Variants in GPR107 observed in about 807,000 individuals in gnomAD.
GPR107 encodes the protein protein GPR107.
A neutral mutation model predicts 75.5 loss-of-function variants in GPR107; 31 were observed. The ratio of observed to expected loss-of-function variants is 0.41; its 90% CI spans 0.31 to 0.55. GPR107 has a LOEUF of 0.55. GPR107 is among the 20% of genes least tolerant of loss of function. GPR107 has a pLI of 0.26. For synonymous variants in GPR107, 267 were observed against 251.3 expected, an observed-to-expected ratio of 1.06 and a Z score of -0.59; for missense variants, 572 against 665.7, an observed-to-expected ratio of 0.86 and a Z score of 1.55.
rs139401188 is a variant in GPR107 at position 130,104,500 on chromosome 9, A to G, written c.1212A>G (p.Leu404=). ...TTEYGLWKDS[L]FLVDLLCCGA... is the part of the protein sequence containing the mutation. ...AATATGGCTTGTGGAAGGACTCTCT[A>G]TTTCTGGTCGACCTGTTGTGTTGTG... The change falls in exon 13 of 18, where the codon CTA becomes CTG. Residue 404 remains leucine, a synonymous_variant. Coordinates refer to ENST00000347136, the MANE Select transcript of GPR107 (RefSeq NM_020960.5). The G allele has an allele frequency of 1.3e-5, 21 of 1,613,544 alleles. No individual in the cohort carries two copies. Among genetic ancestry groups the G allele is most frequent in the South Asian group, 3.3e-5 (3 of 91,048 alleles).
intron 9 of GPR107, among the ~76,000 whole-genome samples, chr9:130,095,892 G>A (rs1830856234): frequency 6.6e-6 from 1 of 152,178 alleles, no homozygotes; most frequent in African/African-American, 2.4e-5. Flanking sequence ...AGGCCGCCAG[G>A]CGCATTTCAC....
chr9:130,114,272 G>A (rs1480597088), intron 14 of GPR107, among the ~76,000 whole-genome samples: 1 of 151,982 alleles, frequency 6.6e-6, no homozygotes, highest in Non-Finnish European at 1.5e-5. Flanking sequence ...GAGAAGCTGA[G>A]GTAGAAGGAT....
Position 130,100,677 on chromosome 9 carries a change from G to T in GPR107, c.988G>T (p.Ala330Ser). ...CCAGGGCTTCCCTATCGAAGGCTGG[G>T]CTGTTGTGTACTACATAACTCACCT... ...SSQGFPIEGW[A>S]VVYYITHLLK... is the part of the protein sequence containing the mutation. Residue 330 changes from alanine to serine, a missense_variant, in exon 11 of 18, where the codon GCT becomes TCT. Transcript: ENST00000347136. The T allele has an allele frequency of 6.2e-7, 1 of 1,612,816 alleles. No individual in the cohort carries two copies.
chr9:130,060,632 T>C (rs1158463650), intron 1 of GPR107, among the ~76,000 whole-genome samples: 1 of 152,114 alleles, frequency 6.6e-6, no homozygotes, highest in Non-Finnish European at 1.5e-5. Flanking sequence ...TTTTATATTG[T>C]GTTAAAAACA....
At chr9:130,119,550 TC>T (rs1831500978) in intron 14 of GPR107, among the ~76,000 whole-genome samples, 3 of 152,070 alleles carry the variant, frequency 2.0e-5, no homozygotes, top group Admixed American at 6.6e-5. Context: ...AGCTGACTTA[TC>T]GGAGGCCACA....
chr9:130,086,521 C>CATGT, intron 7 of GPR107, 45 bp downstream of exon 7: 1 of 1,111,606 alleles, frequency 9.0e-7, no homozygotes, highest in Non-Finnish European at 1.4e-6. Flanking sequence ...TTCTCTCTAC[C>CATGT]ATGTAAAAGG....
At chr9:130,120,485 G>T (rs1056227669) in intron 14 of GPR107, among the ~76,000 whole-genome samples, 1 of 152,048 alleles carries the variant, frequency 6.6e-6, no homozygotes, top group African/African-American at 2.4e-5. Context: ...CTCCCCATCC[G>T]CATTTCCTTC....
intron 5 of GPR107, 127 bp from the exon 6 acceptor site, chr9:130,083,438 C>T: frequency 2.0e-6 from 1 of 489,384 alleles, no homozygotes; most frequent in South Asian, 6.2e-5. Context: ...ATGGCAGTCC[C>T]CAAGATTATT....
chr9:130,089,639 T>TA (rs869290775), intron 7 of GPR107, among the ~76,000 whole-genome samples: 2 of 152,056 alleles, frequency 1.3e-5, no homozygotes, highest in Non-Finnish European at 2.9e-5. Context: ...ATTGATTTTT[T>TA]AAAAAAAATT....
In GPR107 at chr9:130,079,614, T is replaced by A; in HGVS notation, c.387-16T>A. The A allele has an allele frequency of 6.2e-7, 1 of 1,611,976 alleles. No individual in the cohort carries two copies. Among genetic ancestry groups the A allele is most frequent in the Non-Finnish European group, 8.5e-7 (1 of 1,179,006 alleles). ...ACTGCTTTGACCTTTTTTCCTTCTG[T>A]CTTATTTGAATGTAGGGTAAGAGTA... On this transcript the variant is annotated splice_polypyrimidine_tract_variant and intron_variant, in intron 4 of 17. Coordinates refer to ENST00000347136, the MANE Select transcript of GPR107 (RefSeq NM_020960.5).
chr9:130,088,190 C>T (rs1335624473), intron 7 of GPR107, among the ~76,000 whole-genome samples: 1 of 152,114 alleles, frequency 6.6e-6, no homozygotes, highest in Admixed American at 6.6e-5. Context: ...TGGTCTAGCC[C>T]CTGTTGTCTC....
chr9:130,128,989 T>G, intron 17 of GPR107: 1 of 448,092 alleles, frequency 2.2e-6, no homozygotes, highest in South Asian at 2.9e-5. Context: ...GAACTTGCCG[T>G]TCCACTAAGC....
At chr9:130,132,828 T>TA (rs1831860734) in intron 17 of GPR107, among the ~76,000 whole-genome samples, 4 of 91,454 alleles carry the variant, frequency 4.4e-5, no homozygotes, top group Non-Finnish European at 7.9e-5. Context: ...TTTTTATATA[T>TA]TTATATATAT....
rs11316244 is a variant in GPR107 at position 130,108,992 on chromosome 9, CTTTTTTTT to C, written c.1306+1470_1306+1477del. ...ACCTCTAGGAATAATTGGGGATATT[CTTTTTTTT>C]TTTTTTTTTTTTTTTTGAGACGGAG... On this transcript the variant is annotated intron_variant, in intron 14 of 17. Coordinates refer to ENST00000347136, the MANE Select transcript of GPR107 (RefSeq NM_020960.5). Among the ~76,000 whole-genome samples the C allele has an allele frequency of 2.3e-3, 155 of 66,064 alleles. 1 individual carries two copies. Among genetic ancestry groups the C allele is most frequent in the African/African-American group, 9.8e-3 (152 of 15,512 alleles). The allele number at this position is 66,064 out of a possible 152,430, so 43.3% of individuals were successfully genotyped here. A position where few individuals can be genotyped will look rare whatever the true frequency, so the allele number is the denominator to read the frequency against.
chr9:130,115,279 A>G (rs1390282600), intron 14 of GPR107, among the ~76,000 whole-genome samples: 1 of 152,048 alleles, frequency 6.6e-6, no homozygotes, highest in African/African-American at 2.4e-5. Flanking sequence ...AAATCATCTT[A>G]TTACCCTTCT....
chr9:130,113,594 T>A (rs1362004603), intron 14 of GPR107, among the ~76,000 whole-genome samples: 2 of 152,188 alleles, frequency 1.3e-5, no homozygotes, highest in African/African-American at 4.8e-5. Flanking sequence ...GTGATTTTTT[T>A]AAGAATTCTA....
chr9:130,086,535 A>AT (rs1053441758), intron 7 of GPR107, 59 bp downstream of exon 7: 266 of 971,322 alleles, frequency 2.7e-4, no homozygotes, highest in African/African-American at 4.1e-4. Context: ...TAAAAGGGTA[A>AT]TTTTTTTTTA....
chr9:130,086,053 T>C (rs1373508697), intron 6 of GPR107, among the ~76,000 whole-genome samples: 1 of 151,966 alleles, frequency 6.6e-6, no homozygotes. Context: ...GCCTGGCCAA[T>C]ATTTTGGTCA....
intron 16 of GPR107, among the ~76,000 whole-genome samples, chr9:130,128,225 G>C (rs996772093): frequency 1.3e-5 from 2 of 152,336 alleles, no homozygotes; most frequent in South Asian, 2.1e-4. Flanking sequence ...TAGAATTCAG[G>C]CTGCCCTTCT....
Sources: allele counts gnomAD v4.1 joint callset (sites outside exome capture counted in the v4.1 genomes callset), GRCh38; gene constraint gnomAD v4.1.1; transcripts MANE v1.5; gene names NCBI Gene and HGNC (gene_info 2026-07-23, HGNC 2026-07-21).